IGFL2: variants seen among roughly 807,000 people sequenced by gnomAD.
IGFL2 encodes the protein IGF like family member 2.
A neutral mutation model predicts 13.9 loss-of-function variants in IGFL2; 7 were observed. The ratio of observed to expected loss-of-function variants is 0.51; its 90% confidence interval spans 0.29 to 0.95. The LOEUF is 0.95. Among genes scored for constraint, IGFL2 ranks in the 40% least tolerant of loss-of-function variants. The probability of loss-of-function intolerance (pLI) is 0.08; values close to 1 mark genes in which losing one functional copy is unlikely to be tolerated. For missense variants in IGFL2, 138 were observed against 147.8 expected (o/e 0.93, Z 0.34); for synonymous variants, 55 against 55.8 (o/e 0.99, Z 0.07).
chr19:46,196,543 C>T, the IGFL2 span, among the ~76,000 whole-genome samples: 15 of 152,328 alleles, frequency 9.8e-5, no homozygotes, highest in Non-Finnish European at 1.6e-4. Flanking sequence ...CATAGCACAA[C>T]GCTAGTCTCG....
At chr19:46,093,985 T>C in the IGFL2 span, among the ~76,000 whole-genome samples, 4 of 151,744 alleles carry the variant, frequency 2.6e-5, no homozygotes, top group African/African-American at 9.7e-5. Flanking sequence ...GATGTCAGTA[T>C]TCTTCACCTT....
chr19:46,183,953 C>T, the IGFL2 span, among the ~76,000 whole-genome samples: 2 of 152,156 alleles, frequency 1.3e-5, no homozygotes, highest in South Asian at 4.1e-4. Flanking sequence ...CATTTTTTCC[C>T]CTTCTAGTTG....
chr19:46,078,692 A>AAC, the IGFL2 span, among the ~76,000 whole-genome samples: 1 of 152,254 alleles, frequency 6.6e-6, no homozygotes, highest in Non-Finnish European at 1.5e-5. Flanking sequence ...ACAGTCCGTC[A>AAC]AAAGGCCTGT....
At chr19:46,123,217 T>C in the IGFL2 span, among the ~76,000 whole-genome samples, 1 of 150,900 alleles carries the variant, frequency 6.6e-6, no homozygotes, top group African/African-American at 2.5e-5. Context: ...GCCAGAGATA[T>C]CAGTTCCTCC....
upstream of IGFL2, among the ~76,000 whole-genome samples, chr19:46,139,855 A>G (rs1426779953): frequency 6.6e-6 from 1 of 151,642 alleles, no homozygotes; most frequent in African/African-American, 2.4e-5. Flanking sequence ...ATATGTGTGT[A>G]TGTATTTATA....
upstream of IGFL2, chr19:46,147,680 G>C (rs535471104): frequency 4.6e-5 from 7 of 152,370 alleles, no homozygotes; most frequent in African/African-American, 1.7e-4. Flanking sequence ...TAAATAGCTT[G>C]TTGTAACCGT....
At chr19:46,114,148 T>C in the IGFL2 span, among the ~76,000 whole-genome samples, 1 of 152,180 alleles carries the variant, frequency 6.6e-6, no homozygotes, top group Non-Finnish European at 1.5e-5. Context: ...CAGGACTTTA[T>C]TAATAACTGA....
the IGFL2 span, chr19:46,124,536 TAGAGATAA>T: frequency 7.6e-7 from 1 of 1,314,946 alleles, no homozygotes; most frequent in South Asian, 1.2e-5. Context: ...GGAATAATGT[TAGAGATAA>T]AGAGGAATAA....
the IGFL2 span, among the ~76,000 whole-genome samples, chr19:46,135,714 T>C: frequency 1.3e-5 from 2 of 152,232 alleles, no homozygotes; most frequent in Non-Finnish European, 2.9e-5. Flanking sequence ...AAGACTTTCC[T>C]GGACAGGCTT....
chr19:46,103,649 T>G, the IGFL2 span, among the ~76,000 whole-genome samples: 1 of 151,904 alleles, frequency 6.6e-6, no homozygotes, highest in Non-Finnish European at 1.5e-5. Flanking sequence ...TTGAGAATGG[T>G]GAATAGGAAT....
At chr19:46,211,765 GGT>G in the IGFL2 span, 1 of 152,090 alleles carries the variant, frequency 6.6e-6, no homozygotes, top group Admixed American at 6.6e-5. Context: ...CCCCAGGCCT[GGT>G]CTCTCTGAGA....
chr19:46,129,171 G>A, the IGFL2 span, among the ~76,000 whole-genome samples: 6 of 152,024 alleles, frequency 3.9e-5, no homozygotes, highest in African/African-American at 1.2e-4. Context: ...TATTTCTGTG[G>A]GGTTAGTGAT....
chr19:46,137,327 A>G, the IGFL2 span: 2 of 1,094,058 alleles, frequency 1.8e-6, no homozygotes, highest in Non-Finnish European at 2.8e-6. Flanking sequence ...CATTTATCTG[A>G]GAAGCTTGTG....
chr19:46,121,907 T>G, the IGFL2 span, among the ~76,000 whole-genome samples: 1 of 151,006 alleles, frequency 6.6e-6, no homozygotes. Flanking sequence ...TTTGCATATT[T>G]CTTTTTTAAT....
the IGFL2 span, among the ~76,000 whole-genome samples, chr19:46,099,717 G>A: frequency 6.6e-6 from 1 of 151,826 alleles, no homozygotes; most frequent in Non-Finnish European, 1.5e-5. Context: ...TAGTAGAAAC[G>A]GGGTTTCACC....
the IGFL2 span, among the ~76,000 whole-genome samples, chr19:46,080,684 C>T: frequency 6.6e-6 from 1 of 152,180 alleles, no homozygotes; most frequent in Non-Finnish European, 1.5e-5. Flanking sequence ...ATGTGTGGCC[C>T]TGTCCCTGTT....
the IGFL2 span, among the ~76,000 whole-genome samples, chr19:46,124,847 G>A: frequency 2.0e-5 from 3 of 150,728 alleles, no homozygotes; most frequent in African/African-American, 7.4e-5. Flanking sequence ...TTTCTTTAAG[G>A]AGGAGACTGG....
At chr19:46,153,350 C>A (rs1398330829) in intron 1 of IGFL2, among the ~76,000 whole-genome samples, 2 of 152,028 alleles carry the variant, frequency 1.3e-5, no homozygotes, top group East Asian at 3.9e-4. Context: ...TATTTCTTGT[C>A]TTTTTGATAA....
At chr19:46,171,474 C>T in the IGFL2 span, among the ~76,000 whole-genome samples, 1 of 152,186 alleles carries the variant, frequency 6.6e-6, no homozygotes, top group Non-Finnish European at 1.5e-5. Flanking sequence ...AAACTTAGAC[C>T]ATACCATTCA....
Sources: gnomAD v4.1 joint callset for allele counts (sites outside exome capture counted in the v4.1 genomes callset) on GRCh38, gnomAD v4.1.1 for gene constraint, MANE v1.5 for transcripts, NCBI Gene and HGNC (gene_info 2026-07-23, HGNC 2026-07-21) for gene names.